ASIC2: variants seen among roughly 807,000 people sequenced by gnomAD.
The protein encoded by ASIC2 is acid-sensing ion channel 2.
In ASIC2, 25 loss-of-function variants were observed where a neutral mutation model predicts 57.3. The observed-to-expected ratio is 0.44, with a 90% CI of 0.32 to 0.61. The LOEUF (loss-of-function observed/expected upper bound fraction) is 0.61, where lower values mean the gene tolerates loss of function less well. Ranked by LOEUF, ASIC2 falls within the 20% of genes least tolerant of loss-of-function variation. The pLI is 0.06. For missense variants in ASIC2, 641 were observed against 738.1 expected (o/e 0.87, Z 1.52); for synonymous variants, 319 against 307.5 (o/e 1.04, Z -0.39).
At chr17:33,127,168 C>T (rs1453500427) in intron 1 of ASIC2, among the ~76,000 whole-genome samples, 4 of 149,408 alleles carry the variant, frequency 2.7e-5, no homozygotes, top group East Asian at 1.9e-4. Flanking sequence ...CGCTCCCGGC[C>T]GCAACCCTAC....
At chr17:33,399,270 G>A (rs1460186415) in intron 1 of ASIC2, among the ~76,000 whole-genome samples, 2 of 152,164 alleles carry the variant, frequency 1.3e-5, no homozygotes, top group African/African-American at 4.8e-5. Context: ...GCATTACAAG[G>A]AATATGTTCA....
intron 1 of ASIC2, among the ~76,000 whole-genome samples, chr17:33,799,442 C>A (rs1435858891): frequency 5.0e-4 from 34 of 68,202 alleles, no homozygotes; most frequent in African/African-American, 2.0e-3. Flanking sequence ...TTCTTTCTTT[C>A]TTTCTTTCTT....
At chr17:33,805,011 C>T (rs960269885) in intron 1 of ASIC2, among the ~76,000 whole-genome samples, 1 of 152,066 alleles carries the variant, frequency 6.6e-6, no homozygotes, top group African/African-American at 2.4e-5. Flanking sequence ...CCTGCTCATC[C>T]CTAGCTAAGG....
chr17:33,294,254 A>G (rs575762389), upstream of ASIC2, among the ~76,000 whole-genome samples: 65 of 152,212 alleles, frequency 4.3e-4, no homozygotes, highest in Non-Finnish European at 7.2e-4. Flanking sequence ...TTGGTGGTGG[A>G]GGCAGTGTGA....
intron 1 of ASIC2, among the ~76,000 whole-genome samples, chr17:33,344,681 T>A (rs1463961368): frequency 2.0e-5 from 3 of 152,196 alleles, no homozygotes; most frequent in African/African-American, 7.2e-5. Context: ...TTGTTTATAG[T>A]AGATCTCTCT....
chr17:33,386,541 C>T (rs1027333844), intron 1 of ASIC2, among the ~76,000 whole-genome samples: 1 of 152,116 alleles, frequency 6.6e-6, no homozygotes, highest in Non-Finnish European at 1.5e-5. Flanking sequence ...TGAAACCATC[C>T]ACTTCTCCCT....
intron 1 of ASIC2, among the ~76,000 whole-genome samples, chr17:33,661,913 G>A (rs1907280079): frequency 6.6e-6 from 1 of 152,102 alleles, no homozygotes; most frequent in Non-Finnish European, 1.5e-5. Context: ...GTAACCCACA[G>A]GTCCCTGCCT....
chr17:33,489,455 C>A (rs1034880620), intron 1 of ASIC2, among the ~76,000 whole-genome samples: 4 of 152,188 alleles, frequency 2.6e-5, no homozygotes, highest in Non-Finnish European at 4.4e-5. Context: ...ACTGGCTCTG[C>A]TTCGCTCTCT....
Position 33,176,702 on chromosome 17 carries a change from T to C in ASIC2, c.709-64635A>G, listed in dbSNP as rs1905772714. The stretch of plus-strand genomic sequence containing the variant: ...TTCTTTCATTTGATTTTGATGACAA[T>C]TCAGGGAAGTATGCAGAGGAAGAAT... On this transcript the variant is annotated intron_variant, in intron 1 of 9. Coordinates refer to ENST00000225823, the MANE Select transcript of ASIC2 (RefSeq NM_183377.2). 2.0e-5 allele frequency among the ~76,000 whole-genome samples: 3 copies of C among 152,330 alleles called. No homozygotes were observed. The South Asian group carries it at 6.2e-4, about 32-fold the overall frequency.
intron 1 of ASIC2, among the ~76,000 whole-genome samples, chr17:33,302,115 TG>T (rs1398941069): frequency 2.0e-5 from 3 of 152,352 alleles, no homozygotes; most frequent in Non-Finnish European, 4.4e-5. Context: ...TGCCTATCAT[TG>T]CTTTATTATC....
At chr17:33,475,804 C>T (rs1913200918) in intron 1 of ASIC2, among the ~76,000 whole-genome samples, 1 of 152,158 alleles carries the variant, frequency 6.6e-6, no homozygotes, top group African/African-American at 2.4e-5. Context: ...GCAGCCCTCC[C>T]CCATCCCCAT....
At chr17:33,334,338 G>T (rs1373379471) in intron 1 of ASIC2, among the ~76,000 whole-genome samples, 1 of 152,194 alleles carries the variant, frequency 6.6e-6, no homozygotes, top group African/African-American at 2.4e-5. Context: ...AGGGGCATCT[G>T]TGGGATTCAA....
At chr17:33,419,586 A>C (rs77477921) in intron 1 of ASIC2, among the ~76,000 whole-genome samples, 121 of 152,328 alleles carry the variant, frequency 7.9e-4, no homozygotes, top group Non-Finnish European at 1.6e-3. Flanking sequence ...AAATACAGCA[A>C]TAGCTATTGA....
chr17:33,550,976 C>G (rs1439450101), intron 1 of ASIC2, among the ~76,000 whole-genome samples: 8 of 152,194 alleles, frequency 5.3e-5, no homozygotes, highest in African/African-American at 1.9e-4. Flanking sequence ...GGGCTTAATG[C>G]AAAGCTAAGA....
chr17:33,195,765 T>C (rs1296333702), intron 1 of ASIC2, among the ~76,000 whole-genome samples: 1 of 152,164 alleles, frequency 6.6e-6, no homozygotes, highest in Non-Finnish European at 1.5e-5. Flanking sequence ...GGAAGCAGGG[T>C]CATAGTTCTG....
intron 1 of ASIC2, among the ~76,000 whole-genome samples, chr17:33,364,553 T>C (rs1908733187): frequency 6.6e-6 from 1 of 152,130 alleles, no homozygotes; most frequent in Non-Finnish European, 1.5e-5. Flanking sequence ...TGAGTTCTCA[T>C]GAGATCTGGT....
At chr17:34,087,820 A>C (rs543159579) in intron 1 of ASIC2, among the ~76,000 whole-genome samples, 25 of 152,182 alleles carry the variant, frequency 1.6e-4, no homozygotes, top group Admixed American at 3.9e-4. Context: ...CCTTTCTTCC[A>C]GTTGATCGCA....
chr17:33,620,444 T>G (rs1905755627), intron 1 of ASIC2, among the ~76,000 whole-genome samples: 1 of 152,184 alleles, frequency 6.6e-6, no homozygotes, highest in South Asian at 2.1e-4. Context: ...AAAAATCTCC[T>G]GTCAATAAAG....
chr17:33,288,231 T>C (rs1003213675), intron 1 of ASIC2, among the ~76,000 whole-genome samples: 4 of 152,084 alleles, frequency 2.6e-5, no homozygotes, highest in Non-Finnish European at 4.4e-5. Context: ...TGTTTGGTGA[T>C]GTGGCATAGA....
Sources: allele counts gnomAD v4.1 joint callset (sites outside exome capture counted in the v4.1 genomes callset), GRCh38; gene constraint gnomAD v4.1.1; transcripts MANE v1.5; gene names NCBI Gene and HGNC (gene_info 2026-07-23, HGNC 2026-07-21).